MME: variants seen among roughly 807,000 people sequenced by gnomAD.
The protein encoded by MME is neprilysin.
A neutral mutation model predicts 113.2 loss-of-function variants in MME; 98 were observed. The observed-to-expected ratio is 0.87, with a 90% CI of 0.74 to 1.02. MME has a LOEUF of 1.02. MME is among the 50% of genes least tolerant of loss of function. The pLI is 0.00. For missense variants in MME, 836 were observed against 896.0 expected (o/e 0.93, Z 0.86); for synonymous variants, 292 against 300.6 (o/e 0.97, Z 0.30).
At chr3:155,036,419 C>T (rs1279547968) in intron 1 of MME, among the ~76,000 whole-genome samples, 1 of 152,102 alleles carries the variant, frequency 6.6e-6, no homozygotes, top group Non-Finnish European at 1.5e-5. Flanking sequence ...AGTCCTGTCC[C>T]AGTCAATTAC....
intron 22 of MME, among the ~76,000 whole-genome samples, chr3:155,174,325 C>CGTGTGTGTGTGTGTGT (rs3839085): frequency 9.1e-6 from 1 of 110,258 alleles, no homozygotes; most frequent in Non-Finnish European, 1.9e-5. Context: ...ACAACAGAAG[C>CGTGTGTGTGTGTGTGT]GTGTGTGTGT....
Position 155,168,741 on chromosome 3 carries a change from A to C in MME, c.1924A>C (p.Ile642Leu), listed in dbSNP as rs754493421. The C allele has an allele frequency of 6.2e-7, 1 of 1,613,344 alleles. No homozygotes were observed. Among genetic ancestry groups the C allele is most frequent in the South Asian group, 1.1e-5 (1 of 91,054 alleles). ...GTGTCTTTTTTAACAGCTTAATGGA[A>C]TTAATACACTGGGAGAAAACATTGC... is the stretch of plus-strand genomic sequence containing the variant. ...DLAGGQHLNGINTLGENIADN... is the reference protein window; with the variant it reads ...DLAGGQHLNGLNTLGENIADN... The change falls in exon 20 of 23, where the codon ATT becomes CTT. Residue 642 changes from isoleucine (I) to leucine (L), a missense_variant. By Grantham distance (5) the Ile-to-Leu change is conservative. Coordinates refer to ENST00000360490, the MANE Select transcript of MME (RefSeq NM_007289.4).
At chr3:155,106,565 C>A (rs889603280) in intron 3 of MME, among the ~76,000 whole-genome samples, 14 of 152,144 alleles carry the variant, frequency 9.2e-5, no homozygotes, top group Admixed American at 7.2e-4. Context: ...CACATTGCTG[C>A]CTTTTGAATT....
chr3:155,145,412 A>G (rs1318290058), intron 14 of MME, among the ~76,000 whole-genome samples: 1 of 152,184 alleles, frequency 6.6e-6, no homozygotes, highest in South Asian at 2.1e-4. Context: ...GCTGGGTTAC[A>G]TGCTCCTAGG....
chr3:155,148,416 T>A (rs61758207), intron 15 of MME, 134 bp from the exon 16 acceptor site: 4 of 639,394 alleles, frequency 6.3e-6, no homozygotes, highest in Non-Finnish European at 1.1e-5. Context: ...AACTACATCC[T>A]TTTTTGGTAA....
chr3:155,084,064 T>A, intron 1 of MME, 94 bp from the exon 2 acceptor site: 1 of 1,144,860 alleles, frequency 8.7e-7, no homozygotes, highest in Non-Finnish European at 1.3e-6. Flanking sequence ...TTAAAATAAC[T>A]GAGCCTTTTA....
Position 155,172,147 on chromosome 3 carries a change from G to A in MME, c.2011G>A (p.Glu671Lys), listed in dbSNP as rs551727774. The stretch of plus-strand genomic sequence containing the variant: ...TCAGAATTATATTAAAAAGAATGGC[G>A]AAGAAAAATTACTTCCTGGACTTGA... ...AYQNYIKKNG[E>K]EKLLPGLDLN... The change falls in exon 21 of 23, where the codon GAA becomes AAA. Residue 671 changes from glutamate to lysine, a missense_variant. By Grantham distance (56) the Glu-to-Lys change is moderately conservative. Transcript: ENST00000360490. 45 of 1,610,034 alleles carry A rather than the reference G, an allele frequency of 2.8e-5. No individual in the cohort carries two copies. The highest frequency in any genetic ancestry group is 1.7e-4 in the Middle Eastern group (1 of 6,050).
At chr3:155,049,782 A>G (rs1207442592) in intron 1 of MME, among the ~76,000 whole-genome samples, 1 of 151,992 alleles carries the variant, frequency 6.6e-6, no homozygotes. Flanking sequence ...AAGAAAGAAA[A>G]TTCTCATTAT....
In MME at chr3:155,037,454, C is replaced by A. The variant is rs138506373; in HGVS notation, c.-11+13130C>A. ...GGTGGGGGCAAGATTCAAAGCCAGG[C>A]AGTCTAGCTCCAGAGCTTGTGCCTC... On this transcript the variant is annotated intron_variant, in intron 1 of 22. Coordinates refer to the MME transcript ENST00000492661. Among the ~76,000 whole-genome samples the A allele has an allele frequency of 7.9e-5, 12 of 152,256 alleles. No individual in the cohort carries two copies. The East Asian group carries it at 2.3e-3, about 29-fold the overall frequency.
At chr3:155,158,469 C>A (rs1191149517) in intron 16 of MME, 1 of 152,022 alleles carries the variant, frequency 6.6e-6, no homozygotes, top group Non-Finnish European at 1.5e-5. Context: ...AACAATGTTT[C>A]CCCCTAGGAG....
chr3:155,160,902 CTA>C (rs1421004727), intron 17 of MME, among the ~76,000 whole-genome samples: 1 of 151,970 alleles, frequency 6.6e-6, no homozygotes, highest in Admixed American at 6.6e-5. Flanking sequence ...TGATCCTATT[CTA>C]TGTCATCTTC....
chr3:155,150,645 G>T (rs1240314718), intron 16 of MME, among the ~76,000 whole-genome samples: 1 of 152,090 alleles, frequency 6.6e-6, no homozygotes, highest in Admixed American at 6.6e-5. Context: ...AAGCACCCTA[G>T]AATGTGATGT....
chr3:155,158,451 A>G (rs1461157388), intron 16 of MME: 1 of 152,108 alleles, frequency 6.6e-6, no homozygotes, highest in Non-Finnish European at 1.5e-5. Context: ...TTCAGAAGTC[A>G]TGCAAGGAAC....
At chr3:155,057,633 A>G (rs111564437) in intron 1 of MME, among the ~76,000 whole-genome samples, 4,047 of 151,222 alleles carry the variant, frequency 0.027, 83 homozygotes, top group South Asian at 0.089. Flanking sequence ...GTTACATTTT[A>G]TACTCTCAGA....
chr3:155,093,443 G>A lies in MME; in HGVS notation c.196+8349G>A, dbSNP rs374264014. The stretch of plus-strand genomic sequence containing the variant: ...TGTGTCCAGGTGTACCAGCCATCTG[G>A]ATCAAAGCCAGACCACTTGGTCTAC... On this transcript the variant is annotated intron_variant, in intron 3 of 22. Transcript: ENST00000360490. Among the ~76,000 whole-genome samples the A allele has an allele frequency of 3.9e-5, 6 of 152,144 alleles. No individual in the cohort carries two copies. The South Asian group carries it at 8.3e-4, about 21-fold the overall frequency.
At chr3:155,174,203 A>C (rs1213377463) in intron 22 of MME, among the ~76,000 whole-genome samples, 1 of 152,096 alleles carries the variant, frequency 6.6e-6, no homozygotes, top group Non-Finnish European at 1.5e-5. Context: ...TCTAGCTCCA[A>C]TTTTAAACTG....
At chr3:155,116,615 AAACTATGCCTAG>A (rs1437375287) in intron 5 of MME, 37 bp from the exon 6 acceptor site, 4 of 1,189,450 alleles carry the variant, frequency 3.4e-6, no homozygotes, top group Non-Finnish European at 3.6e-6. Context: ...TATTGGTGCC[AAACTATGCCTAG>A]ATTTCTAATT....
intron 8 of MME, among the ~76,000 whole-genome samples, chr3:155,126,550 T>G (rs7618860): frequency 0.17 from 25,979 of 152,120 alleles, 2,391 homozygotes; most frequent in African/African-American, 0.23. Flanking sequence ...AGTGTTTTTT[T>G]TTAAATTTTG....
intron 3 of MME, among the ~76,000 whole-genome samples, chr3:155,106,386 A>C (rs1241384930): frequency 2.0e-5 from 3 of 152,204 alleles, no homozygotes; most frequent in Non-Finnish European, 4.4e-5. Flanking sequence ...AAGGCATCAC[A>C]AAAGCAATTT....
Sources: gnomAD v4.1 joint callset for allele counts (sites outside exome capture counted in the v4.1 genomes callset) on GRCh38, gnomAD v4.1.1 for gene constraint, MANE v1.5 for transcripts, NCBI Gene and HGNC (gene_info 2026-07-23, HGNC 2026-07-21) for gene names.